Variants in GNG7 observed in about 807,000 individuals in gnomAD.
GNG7 encodes guanine nucleotide-binding protein G(I)/G(S)/G(O) subunit gamma-7.
Under a neutral mutation model 4.0 loss-of-function variants are expected in GNG7, and 1 was observed. The observed-to-expected ratio is 0.25, with a 90% CI of 0.09 to 1.18. GNG7 has a LOEUF of 1.18. GNG7 is among the 50% of genes most tolerant of loss of function. The probability of loss-of-function intolerance (pLI) is 0.50; values close to 1 mark genes in which losing one functional copy is unlikely to be tolerated. For missense variants in GNG7, 86 were observed against 91.9 expected (o/e 0.94, Z 0.26); for synonymous variants, 34 against 36.9 (o/e 0.92, Z 0.29).
chr19:2,617,289 T>G lies in GNG7; in HGVS notation c.-78+28935A>C, dbSNP rs1477108374. ...CAAACCTGTCCCACTTAAGAACCGCTGGCCTGGACCAGAAACTGGATCTTT... is the reference window on the plus strand; with the variant it reads ...CAAACCTGTCCCACTTAAGAACCGCGGGCCTGGACCAGAAACTGGATCTTT... On this transcript the variant is annotated intron_variant, in intron 2 of 4. Transcript: ENST00000382159. The surrounding 1 kb of genome is among the most constrained non-coding windows in gnomAD (Gnocchi z 4.7). Among the ~76,000 whole-genome samples the G allele has an allele frequency of 1.3e-5, 2 of 152,116 alleles. No individual in the cohort carries two copies. Among genetic ancestry groups the G allele is most frequent in the Non-Finnish European group, 2.9e-5 (2 of 68,016 alleles).
Position 2,532,075 on chromosome 19 carries a change from C to T in GNG7, c.-37-11350G>A, listed in dbSNP as rs545325023. ...CTGAAGCAGGAGAATGGCATGAACC[C>T]GGGAGGCGGAGCTTGCAGTGAGCTG... is the stretch of plus-strand genomic sequence containing the variant. On this transcript the variant is annotated intron_variant, in intron 3 of 4. Transcript: ENST00000382159. Among the ~76,000 whole-genome samples, 123 of 149,814 alleles carry T rather than the reference C, an allele frequency of 8.2e-4. 2 individuals carry two copies. The South Asian group carries it at 0.017, about 21-fold the overall frequency.
At chr19:2,602,921 CTTTTT>C (rs957755056) in intron 2 of GNG7, among the ~76,000 whole-genome samples, 89 of 147,256 alleles carry the variant, frequency 6.0e-4, no homozygotes, top group African/African-American at 2.0e-3. Flanking sequence ...TTCTTTCTTT[CTTTTT>C]GTTTCTTCCT....
At chr19:2,550,529 C>T (rs1004719195) in intron 3 of GNG7, among the ~76,000 whole-genome samples, 3 of 152,164 alleles carry the variant, frequency 2.0e-5, no homozygotes, top group Non-Finnish European at 2.9e-5. Context: ...CTCCCGGCCA[C>T]CTCTGCTCAC....
intron 3 of GNG7, among the ~76,000 whole-genome samples, chr19:2,544,206 C>G (rs1188560869): frequency 1.3e-5 from 2 of 152,158 alleles, no homozygotes; most frequent in Non-Finnish European, 2.9e-5. Flanking sequence ...CAAACCCAAA[C>G]AAAATGGAAC....
chr19:2,530,607 C>T (rs1978552099), intron 3 of GNG7, among the ~76,000 whole-genome samples: 1 of 150,898 alleles, frequency 6.6e-6, no homozygotes, highest in Admixed American at 6.6e-5. Flanking sequence ...GTAGTCCCAG[C>T]TACTCAGGAG....
intron 2 of GNG7, among the ~76,000 whole-genome samples, chr19:2,601,229 T>A (rs1375796622): frequency 6.6e-6 from 1 of 152,204 alleles, no homozygotes; most frequent in Non-Finnish European, 1.5e-5. Context: ...GCATCCATTC[T>A]AGTTCCATCC....
intron 2 of GNG7, among the ~76,000 whole-genome samples, chr19:2,578,028 G>A (rs569712927): frequency 3.3e-5 from 5 of 151,972 alleles, no homozygotes; most frequent in African/African-American, 1.2e-4. Context: ...TTGTAGAGAC[G>A]GAGGTCTCGT....
At chr19:2,696,331 A>AAAGC (rs1913256814) in intron 1 of GNG7, among the ~76,000 whole-genome samples, 2 of 145,790 alleles carry the variant, frequency 1.4e-5, no homozygotes, top group Admixed American at 1.3e-4. Flanking sequence ...AGAAAGAAAG[A>AAAGC]AAGAAAGAAA....
At chr19:2,613,897 G>A (rs1250343518) in intron 2 of GNG7, among the ~76,000 whole-genome samples, 4 of 152,296 alleles carry the variant, frequency 2.6e-5, no homozygotes, top group South Asian at 4.1e-4. Context: ...CAAGAAACTC[G>A]GACTGCAGCA....
intron 3 of GNG7, among the ~76,000 whole-genome samples, chr19:2,524,453 G>C (rs1283433837): frequency 1.3e-5 from 2 of 152,248 alleles, no homozygotes; most frequent in Admixed American, 6.5e-5. Context: ...GTGCATGTAT[G>C]TGTACCTTGC....
chr19:2,590,852 CCCACCCATCCATTCACCCATCCATCCAT>C (rs1432007503), intron 2 of GNG7, among the ~76,000 whole-genome samples: 2 of 148,204 alleles, frequency 1.3e-5, no homozygotes, highest in Admixed American at 6.8e-5. Flanking sequence ...CATCCATCCA[CCCACCCATCCATTCACCCATCCATCCAT>C]CCACCCATCC....
In GNG7 at chr19:2,540,603, G is replaced by T. The variant is rs1397235546; in HGVS notation, c.-38+14546C>A. On this transcript the variant is annotated intron_variant, in intron 3 of 4. Transcript: ENST00000382159. The stretch of plus-strand genomic sequence containing the variant: ...CCAAGAAGCAGACAGCAGGCCTGGG[G>T]TGGTTGGAGATTTTGCGGGGACCCT... Among the ~76,000 whole-genome samples, 3 of 152,348 alleles carry T rather than the reference G, an allele frequency of 2.0e-5. No individual in the cohort carries two copies. The East Asian group carries it at 5.8e-4, about 29-fold the overall frequency.
At chr19:2,586,581 T>C (rs927117996) in intron 2 of GNG7, among the ~76,000 whole-genome samples, 1 of 152,122 alleles carries the variant, frequency 6.6e-6, no homozygotes, top group African/African-American at 2.4e-5. Flanking sequence ...ATCCCAGCCC[T>C]GACATTTGAC....
At chr19:2,662,049 C>G (rs547301122) in intron 1 of GNG7, among the ~76,000 whole-genome samples, 1 of 152,128 alleles carries the variant, frequency 6.6e-6, no homozygotes, top group Non-Finnish European at 1.5e-5. Flanking sequence ...CACTTAAGAT[C>G]AGGAGTTTGA....
chr19:2,522,644 C>G (rs763532142), intron 3 of GNG7, among the ~76,000 whole-genome samples: 1 of 145,780 alleles, frequency 6.9e-6, no homozygotes. Flanking sequence ...CCCAGCTACT[C>G]GGGAGGCTGA....
chr19:2,665,003 A>G (rs925166548), intron 1 of GNG7, among the ~76,000 whole-genome samples: 3 of 151,696 alleles, frequency 2.0e-5, no homozygotes, highest in African/African-American at 4.8e-5. Flanking sequence ...CTGTCCCCTG[A>G]TCTTCTGTCC....
At chr19:2,601,712 G>A (rs1294285530) in intron 2 of GNG7, among the ~76,000 whole-genome samples, 1 of 151,854 alleles carries the variant, frequency 6.6e-6, no homozygotes, top group Non-Finnish European at 1.5e-5. Context: ...CCAGGAGTTC[G>A]AGACCAGCCT....
intron 1 of GNG7, among the ~76,000 whole-genome samples, chr19:2,663,185 T>C (rs1983221718): frequency 6.6e-6 from 1 of 152,166 alleles, no homozygotes; most frequent in South Asian, 2.1e-4. Context: ...GATGTTGCTA[T>C]AGTTTGAATG....
At chr19:2,538,973 G>A (rs368655325) in intron 3 of GNG7, among the ~76,000 whole-genome samples, 18 of 151,800 alleles carry the variant, frequency 1.2e-4, no homozygotes, top group Admixed American at 3.3e-4. Context: ...GGGTTTCACC[G>A]TGTTAGCCAG....
Sources: allele counts gnomAD v4.1 joint callset (sites outside exome capture counted in the v4.1 genomes callset), GRCh38; gene constraint gnomAD v4.1.1; non-coding constraint Gnocchi (gnomAD v3.1); transcripts MANE v1.5; gene names NCBI Gene and HGNC (gene_info 2026-07-23, HGNC 2026-07-21).